Variants in FAM184B observed in about 807,000 individuals in gnomAD.
The protein encoded by FAM184B is family with sequence similarity 184 member B, also known as protein FAM184B.
FAM184B carries 111 observed loss-of-function variants against 135.9 expected under a neutral mutation model. The observed-to-expected ratio is 0.82, with a 90% CI of 0.70 to 0.96. The LOEUF is 0.96. Ranked by LOEUF, FAM184B falls within the 40% of genes least tolerant of loss-of-function variation. The probability of loss-of-function intolerance (pLI) is 0.00; values close to 1 mark genes in which losing one functional copy is unlikely to be tolerated. For missense variants in FAM184B, 1,375 were observed against 1,323.9 expected (o/e 1.04, Z -0.60); for synonymous variants, 552 against 524.8 (o/e 1.05, Z -0.71).
intron 1 of FAM184B, among the ~76,000 whole-genome samples, chr4:17,762,975 A>G (rs1015259584): frequency 1.1e-4 from 16 of 152,122 alleles, no homozygotes; most frequent in Non-Finnish European, 1.9e-4. Context: ...CCTGGCCTAC[A>G]CAGCTGAACA....
At chr4:17,662,865 T>C (rs1715951307) in intron 8 of FAM184B, among the ~76,000 whole-genome samples, 1 of 152,212 alleles carries the variant, frequency 6.6e-6, no homozygotes, top group Admixed American at 6.5e-5. Flanking sequence ...CTCACTGTGG[T>C]GGTAAGTTGC....
chr4:17,687,064 G>A (rs560787476), intron 7 of FAM184B, among the ~76,000 whole-genome samples: 1 of 152,298 alleles, frequency 6.6e-6, no homozygotes, highest in East Asian at 1.9e-4. Flanking sequence ...TTTTTGCCCT[G>A]GTGAATATGT....
At chr4:17,776,724 T>C (rs13145911) in intron 1 of FAM184B, among the ~76,000 whole-genome samples, 32,126 of 152,172 alleles carry the variant, frequency 0.21, 4,214 homozygotes, top group Non-Finnish European at 0.29. Flanking sequence ...AAAGTAAGGT[T>C]TTTAAAAGGT....
intron 1 of FAM184B, among the ~76,000 whole-genome samples, chr4:17,716,630 G>A (rs1717405650): frequency 6.6e-6 from 1 of 152,040 alleles, no homozygotes; most frequent in African/African-American, 2.4e-5. Flanking sequence ...ATAGGTGTGT[G>A]TCACTGTGCC....
intron 1 of FAM184B, among the ~76,000 whole-genome samples, chr4:17,733,401 T>G (rs1008270409): frequency 1.3e-5 from 2 of 152,234 alleles, no homozygotes; most frequent in Non-Finnish European, 2.9e-5. Context: ...TTGTCCCTGT[T>G]TGCAGATGAC....
chr4:17,778,252 C>T (rs905329218), intron 1 of FAM184B, among the ~76,000 whole-genome samples: 2 of 152,104 alleles, frequency 1.3e-5, no homozygotes, highest in African/African-American at 4.8e-5. Context: ...GAATTTTTAA[C>T]CAGCAACACT....
chr4:17,689,067 C>T (rs1716663765), intron 6 of FAM184B, among the ~76,000 whole-genome samples: 1 of 152,038 alleles, frequency 6.6e-6, no homozygotes, highest in Non-Finnish European at 1.5e-5. Flanking sequence ...TTATAGTATT[C>T]CACACTTTCC....
chr4:17,726,530 C>A (rs1717642119), intron 1 of FAM184B, among the ~76,000 whole-genome samples: 1 of 152,046 alleles, frequency 6.6e-6, no homozygotes, highest in South Asian at 2.1e-4. Flanking sequence ...TGCCACCATG[C>A]TTGGCTAATT....
intron 3 of FAM184B, among the ~76,000 whole-genome samples, chr4:17,706,259 C>A (rs1560181399): frequency 1.3e-5 from 2 of 152,314 alleles, no homozygotes; most frequent in East Asian, 3.9e-4. Flanking sequence ...AAGTTTTCCT[C>A]CCATATTCTC....
chr4:17,662,694 G>C (rs1300735764), intron 8 of FAM184B, among the ~76,000 whole-genome samples: 2 of 152,162 alleles, frequency 1.3e-5, no homozygotes, highest in East Asian at 3.9e-4. Context: ...GTAGGTATGT[G>C]CTTAATGTTT....
intron 1 of FAM184B, among the ~76,000 whole-genome samples, chr4:17,751,867 A>ACACACACACACACACACAC (rs1491120270): frequency 1.2e-4 from 18 of 149,370 alleles, no homozygotes; most frequent in Non-Finnish European, 1.6e-4. Context: ...ACACACACAC[A>ACACACACACACACACACAC]AAAGAACCAG....
chr4:17,776,306 G>T (rs1471877447), intron 1 of FAM184B, among the ~76,000 whole-genome samples: 5 of 152,212 alleles, frequency 3.3e-5, no homozygotes, highest in Non-Finnish European at 1.5e-5. Context: ...GTTTACTGAG[G>T]ATCTACTATG....
intron 11 of FAM184B, among the ~76,000 whole-genome samples, chr4:17,649,583 C>CAA (rs10564359): frequency 1.1e-4 from 15 of 136,160 alleles, no homozygotes; most frequent in African/African-American, 3.8e-4. Context: ...GACTCCATCT[C>CAA]AAAAAAAAAA....
At chr4:17,761,878 C>T (rs185255342) in intron 1 of FAM184B, among the ~76,000 whole-genome samples, 1 of 152,214 alleles carries the variant, frequency 6.6e-6, no homozygotes, top group Non-Finnish European at 1.5e-5. Flanking sequence ...TACTATCTAC[C>T]ACTAGTCAAT....
At chr4:17,644,702 A>G (rs1715414981) in intron 12 of FAM184B, among the ~76,000 whole-genome samples, 1 of 152,000 alleles carries the variant, frequency 6.6e-6, no homozygotes, top group East Asian at 1.9e-4. Context: ...CTCTCTCACC[A>G]CTCCTATTCA....
At position 17,641,641 on chromosome 4, in the gene FAM184B, GC is replaced by G. The variant is rs1274164967; in HGVS notation, c.2519+414del. ...TTACAGGCACACACCACCACGCCCG[GC>G]CTTTTTTTTTTTTTTTTTTTTTTTT... On this transcript the variant is annotated intron_variant, in intron 13 of 17. Coordinates refer to ENST00000265018, the MANE Select transcript of FAM184B (RefSeq NM_015688.2). 7.7e-3 allele frequency among the ~76,000 whole-genome samples: 308 copies of G among 40,104 alleles called. 7 individuals carry two copies. The highest frequency in any genetic ancestry group is 0.019 in the African/African-American group (298 of 15,616). 26.3% of individuals were successfully genotyped at this position (40,104 alleles called of 152,430 possible).
At chr4:17,764,783 G>A (rs765105189) in intron 1 of FAM184B, among the ~76,000 whole-genome samples, 6 of 152,124 alleles carry the variant, frequency 3.9e-5, no homozygotes, top group Non-Finnish European at 8.8e-5. Context: ...GCAAATTCTC[G>A]GCCAGGCGCG....
intron 2 of FAM184B, among the ~76,000 whole-genome samples, 160 bp from the exon 3 acceptor site, chr4:17,707,944 A>G (rs1237726519): frequency 3.3e-5 from 5 of 152,150 alleles, no homozygotes; most frequent in African/African-American, 1.2e-4. Context: ...ATCTCTCCTC[A>G]TCCTCTGGCC....
At chr4:17,761,144 G>A (rs1718536023) in intron 1 of FAM184B, among the ~76,000 whole-genome samples, 1 of 152,134 alleles carries the variant, frequency 6.6e-6, no homozygotes, top group African/African-American at 2.4e-5. Flanking sequence ...CCTGCCCTAA[G>A]CCTAAGATAG....
Sources: gnomAD v4.1 joint callset for allele counts (sites outside exome capture counted in the v4.1 genomes callset) on GRCh38, gnomAD v4.1.1 for gene constraint, MANE v1.5 for transcripts, NCBI Gene and HGNC (gene_info 2026-07-23, HGNC 2026-07-21) for gene names.